The following SFMBT1 variants were observed in gnomAD, a reference collection of about 807,000 sequenced individuals.
SFMBT1 encodes Scm like with four mbt domains 1, also known as scm-like with four MBT domains protein 1.
In SFMBT1, 32 loss-of-function variants were observed where a neutral mutation model predicts 108.7. The observed-to-expected ratio is 0.29, with a 90% confidence interval of 0.22 to 0.40. The LOEUF is 0.40. Among genes scored for constraint, SFMBT1 ranks in the 10% least tolerant of loss-of-function variants. The pLI, the probability that SFMBT1 is intolerant of heterozygous loss-of-function variation, is 1.00. For missense variants in SFMBT1, 816 were observed against 1,059.6 expected (o/e 0.77, Z 3.19); for synonymous variants, 348 against 369.5 (o/e 0.94, Z 0.67).
chr3:52,976,941 A>C (rs1183330588), intron 1 of SFMBT1, among the ~76,000 whole-genome samples: 1 of 152,216 alleles, frequency 6.6e-6, no homozygotes, highest in African/African-American at 2.4e-5. Flanking sequence ...GCAGAAATGG[A>C]AGCCGTCATT....
chr3:53,011,033 C>T (rs190984369), intron 1 of SFMBT1, among the ~76,000 whole-genome samples: 1 of 152,166 alleles, frequency 6.6e-6, no homozygotes, highest in Non-Finnish European at 1.5e-5. Context: ...ATGGGGTGGC[C>T]CAATAGGAAG....
chr3:52,928,300 C>T lies in SFMBT1; in HGVS notation c.939G>A (p.Leu313=). ...ATCGCCGTGCGTGGTTCTCAGGACG[C>T]AAGTCATCCATTTCCACCAGAAAGT... ...EKYFLVEMDD[L]RPENHARRSF... The change falls in exon 9 of 21, where the codon TTG becomes TTA. Residue 313 remains leucine, a synonymous_variant. Coordinates refer to ENST00000394752, the MANE Select transcript of SFMBT1 (RefSeq NM_016329.4). 6.2e-7 allele frequency: 1 copy of T among 1,613,972 alleles called. No homozygotes were observed. The highest frequency in any genetic ancestry group is 1.1e-5 in the South Asian group (1 of 91,066).
intron 2 of SFMBT1, among the ~76,000 whole-genome samples, chr3:52,962,292 T>C (rs1301803539): frequency 6.6e-6 from 1 of 152,174 alleles, no homozygotes; most frequent in African/African-American, 2.4e-5. Flanking sequence ...TACAAAGCCA[T>C]TCATTGTAGC....
At chr3:53,038,642 C>A (rs1699940043) in intron 1 of SFMBT1, among the ~76,000 whole-genome samples, 1 of 152,186 alleles carries the variant, frequency 6.6e-6, no homozygotes, top group African/African-American at 2.4e-5. Context: ...AACTGTCAAA[C>A]CTGCTTTCTC....
chr3:52,950,021 A>G (rs57660543), intron 3 of SFMBT1, among the ~76,000 whole-genome samples: 3,924 of 152,084 alleles, frequency 0.026, 184 homozygotes, highest in African/African-American at 0.09. Flanking sequence ...GACAACATAT[A>G]GTTGGGTCAT....
At chr3:53,040,526 T>C (rs1700004626) in intron 1 of SFMBT1, among the ~76,000 whole-genome samples, 1 of 151,778 alleles carries the variant, frequency 6.6e-6, no homozygotes, top group East Asian at 1.9e-4. Context: ...TACTGACACT[T>C]AACAACCCTA....
chr3:52,926,343 A>G (rs1211642681), intron 9 of SFMBT1, among the ~76,000 whole-genome samples: 1 of 152,256 alleles, frequency 6.6e-6, no homozygotes, highest in Non-Finnish European at 1.5e-5. Flanking sequence ...ATAAATTTGT[A>G]AACTTTCAAA....
chr3:52,927,275 T>C (rs759219821), intron 9 of SFMBT1, among the ~76,000 whole-genome samples: 2 of 152,206 alleles, frequency 1.3e-5, no homozygotes, highest in Non-Finnish European at 2.9e-5. Context: ...GTTGTACTCA[T>C]TGAGCTTGTC....
chr3:52,981,432 G>A (rs1275687199), intron 1 of SFMBT1, among the ~76,000 whole-genome samples: 2 of 151,862 alleles, frequency 1.3e-5, no homozygotes, highest in African/African-American at 4.8e-5. Context: ...GCATGAGCTC[G>A]GATCACTGCA....
chr3:53,026,739 A>G (rs1699505382), intron 1 of SFMBT1, among the ~76,000 whole-genome samples: 1 of 152,218 alleles, frequency 6.6e-6, no homozygotes, highest in Admixed American at 6.5e-5. Context: ...AAGAACCTCA[A>G]CAAAATTAAA....
intron 1 of SFMBT1, among the ~76,000 whole-genome samples, chr3:53,003,526 T>G (rs1405792899): frequency 6.7e-6 from 1 of 150,140 alleles, no homozygotes; most frequent in Admixed American, 6.8e-5. Context: ...TAACATGATA[T>G]TCTCTCCGTT....
intron 1 of SFMBT1, among the ~76,000 whole-genome samples, chr3:53,036,968 T>C (rs1699888526): frequency 6.6e-6 from 1 of 151,844 alleles, no homozygotes; most frequent in Non-Finnish European, 1.5e-5. Flanking sequence ...TGGGAGAAAA[T>C]GAAGGTCACA....
intron 5 of SFMBT1, 91 bp from the exon 6 acceptor site, chr3:52,932,399 T>C: frequency 7.4e-7 from 1 of 1,354,400 alleles, no homozygotes. Flanking sequence ...AACCAGCCTT[T>C]GTATTTTTTA....
intron 4 of SFMBT1, among the ~76,000 whole-genome samples, chr3:52,935,777 C>T (rs1370730404): frequency 2.0e-5 from 3 of 152,280 alleles, no homozygotes; most frequent in South Asian, 2.1e-4. Flanking sequence ...CCAAGTGAGA[C>T]GCACGCATTG....
intron 1 of SFMBT1, among the ~76,000 whole-genome samples, chr3:53,029,202 G>A (rs1699600316): frequency 6.6e-6 from 1 of 151,312 alleles, no homozygotes; most frequent in Admixed American, 6.6e-5. Context: ...AAAGTCATGG[G>A]CTAGAAATGT....
intron 1 of SFMBT1, among the ~76,000 whole-genome samples, chr3:53,000,559 A>C (rs1393096847): frequency 6.7e-6 from 1 of 150,048 alleles, no homozygotes; most frequent in African/African-American, 2.4e-5. Flanking sequence ...ATATAAATAC[A>C]TATATATGCC....
At chr3:52,937,427 C>T (rs190437097) in intron 4 of SFMBT1, among the ~76,000 whole-genome samples, 65 of 152,244 alleles carry the variant, frequency 4.3e-4, no homozygotes, top group Middle Eastern at 3.4e-3. Context: ...GCTTTCTAAA[C>T]ATTTAATTTT....
At chr3:53,029,660 A>C (rs1265242992) in intron 1 of SFMBT1, among the ~76,000 whole-genome samples, 1 of 152,256 alleles carries the variant, frequency 6.6e-6, no homozygotes, top group Non-Finnish European at 1.5e-5. Flanking sequence ...ATTCATAACA[A>C]GCAGCATACA....
At chr3:52,954,279 G>T in intron 3 of SFMBT1, 38 bp downstream of exon 3, 1 of 1,370,310 alleles carries the variant, frequency 7.3e-7, no homozygotes, top group Non-Finnish European at 1.0e-6. Context: ...GAAATAAAGG[G>T]ATATAACACC....
Sources: allele counts gnomAD v4.1 joint callset (sites outside exome capture counted in the v4.1 genomes callset), GRCh38; gene constraint gnomAD v4.1.1; transcripts MANE v1.5; gene names NCBI Gene and HGNC (gene_info 2026-07-23, HGNC 2026-07-21).